The following ATRNL1 variants were observed in gnomAD, a reference collection of about 807,000 sequenced individuals.
ATRNL1 encodes attractin-like protein 1.
ATRNL1 carries 95 observed loss-of-function variants against 182.7 expected under a neutral mutation model. That is an observed-to-expected ratio of 0.52 (90% CI 0.44 to 0.62). The LOEUF (loss-of-function observed/expected upper bound fraction) is 0.62. ATRNL1 is among the 20% of genes least tolerant of loss of function. The probability of loss-of-function intolerance (pLI) is 0.00; values close to 1 mark genes in which losing one functional copy is unlikely to be tolerated. For synonymous variants in ATRNL1, 576 were observed against 568.3 expected, an observed-to-expected ratio of 1.01 and a Z score of -0.19; for missense variants, 1,471 against 1,679.5, an observed-to-expected ratio of 0.88 and a Z score of 2.17.
At chr10:115,364,002 G>T (rs2134167061) in intron 19 of ATRNL1, among the ~76,000 whole-genome samples, 1 of 152,138 alleles carries the variant, frequency 6.6e-6, no homozygotes, top group East Asian at 1.9e-4. Flanking sequence ...GGTGATGCGG[G>T]CTCTTTTTTG....
At chr10:115,894,125 G>GA (rs1181483399) in intron 28 of ATRNL1, among the ~76,000 whole-genome samples, 1 of 152,148 alleles carries the variant, frequency 6.6e-6, no homozygotes, top group Admixed American at 6.5e-5. Flanking sequence ...AACTGACATG[G>GA]AATCAGTGAT....
chr10:115,374,113 A>G (rs1263362056), intron 19 of ATRNL1, among the ~76,000 whole-genome samples: 1 of 151,252 alleles, frequency 6.6e-6, no homozygotes, highest in Admixed American at 6.6e-5. Context: ...ATGTTTCTAG[A>G]AACTTACTCA....
chr10:115,442,090 A>C (rs1554965844), intron 21 of ATRNL1, among the ~76,000 whole-genome samples: 2 of 151,970 alleles, frequency 1.3e-5, no homozygotes, highest in African/African-American at 4.8e-5. Flanking sequence ...CCAGGGTGAC[A>C]TTTAAAAATT....
intron 19 of ATRNL1, among the ~76,000 whole-genome samples, chr10:115,383,610 G>A (rs1307385342): frequency 6.6e-6 from 1 of 151,836 alleles, no homozygotes; most frequent in Non-Finnish European, 1.5e-5. Context: ...TCCAAATCAA[G>A]GGTCCCATAA....
chr10:115,455,681 C>T (rs1554968571), intron 21 of ATRNL1, among the ~76,000 whole-genome samples: 1 of 152,132 alleles, frequency 6.6e-6, no homozygotes, highest in African/African-American at 2.4e-5. Context: ...AAGAAACTAT[C>T]ACCAGAGTGA....
At chr10:115,557,488 T>G (rs797028215) in intron 26 of ATRNL1, among the ~76,000 whole-genome samples, 33 of 151,940 alleles carry the variant, frequency 2.2e-4, no homozygotes, top group African/African-American at 7.3e-4. Flanking sequence ...AAGGAAACAC[T>G]GTATAAAAAG....
At chr10:115,397,438 A>T (rs2134289799) in intron 20 of ATRNL1, among the ~76,000 whole-genome samples, 1 of 152,012 alleles carries the variant, frequency 6.6e-6, no homozygotes, top group Non-Finnish European at 1.5e-5. Context: ...CATATCTGTT[A>T]ATTTCTTTTC....
chr10:115,197,007 A>C (rs1464155297), intron 8 of ATRNL1, among the ~76,000 whole-genome samples: 6 of 152,154 alleles, frequency 3.9e-5, no homozygotes, highest in Non-Finnish European at 5.9e-5. Context: ...CAGTCTTAGC[A>C]ATGTGTTTAA....
At chr10:115,401,714 C>T (rs782608017) in intron 20 of ATRNL1, among the ~76,000 whole-genome samples, 21 of 151,852 alleles carry the variant, frequency 1.4e-4, no homozygotes, top group African/African-American at 3.9e-4. Context: ...TCTTAGGAAA[C>T]GGGACATATT....
At chr10:115,213,606 A>T (rs1043080916) in intron 8 of ATRNL1, among the ~76,000 whole-genome samples, 36 of 152,020 alleles carry the variant, frequency 2.4e-4, no homozygotes, top group Non-Finnish European at 4.7e-4. Context: ...TGTCTCTTAC[A>T]CAGTTTCTAA....
chr10:115,751,050 T>C (rs1300563825), intron 27 of ATRNL1, among the ~76,000 whole-genome samples: 1 of 152,006 alleles, frequency 6.6e-6, no homozygotes, highest in Non-Finnish European at 1.5e-5. Flanking sequence ...TTAAGGATTA[T>C]GAGAGATGAA....
chr10:115,219,879 G>T (rs1849381010), intron 9 of ATRNL1, among the ~76,000 whole-genome samples: 1 of 152,150 alleles, frequency 6.6e-6, no homozygotes, highest in East Asian at 1.9e-4. Context: ...CTCCAGGCTG[G>T]GTGACAGATT....
chr10:115,739,689 A>C (rs1948081656), intron 27 of ATRNL1, among the ~76,000 whole-genome samples: 1 of 152,220 alleles, frequency 6.6e-6, no homozygotes, highest in South Asian at 2.1e-4. Flanking sequence ...CTTTCTCAGT[A>C]ACAGCAATCA....
At chr10:115,649,230 T>C (rs1467983664) in intron 26 of ATRNL1, among the ~76,000 whole-genome samples, 1 of 152,152 alleles carries the variant, frequency 6.6e-6, no homozygotes, top group Non-Finnish European at 1.5e-5. Flanking sequence ...AAATTTGCTA[T>C]TTGTATTTAT....
chr10:115,490,188 T>C (rs1849228989), intron 24 of ATRNL1, among the ~76,000 whole-genome samples: 1 of 152,096 alleles, frequency 6.6e-6, no homozygotes, highest in African/African-American at 2.4e-5. Context: ...TTGGTGAATC[T>C]GATGATTATG....
At chr10:115,828,053 C>A (rs544371174) in intron 27 of ATRNL1, among the ~76,000 whole-genome samples, 3 of 152,156 alleles carry the variant, frequency 2.0e-5, no homozygotes, top group Non-Finnish European at 4.4e-5. Flanking sequence ...CACGGGGGCT[C>A]ACGCCTGTAA....
chr10:115,884,620 A>C (rs1555109361), intron 28 of ATRNL1, among the ~76,000 whole-genome samples: 1 of 152,184 alleles, frequency 6.6e-6, no homozygotes, highest in African/African-American at 2.4e-5. Context: ...TGAAGCAAAA[A>C]ATTCTGCCAC....
intron 13 of ATRNL1, among the ~76,000 whole-genome samples, chr10:115,277,058 A>G (rs1233973794): frequency 6.6e-6 from 1 of 152,012 alleles, no homozygotes. Context: ...TACTTCAGGT[A>G]AATTTAATTA....
intron 27 of ATRNL1, among the ~76,000 whole-genome samples, chr10:115,842,919 A>G (rs1423676673): frequency 2.6e-5 from 4 of 152,080 alleles, no homozygotes; most frequent in Non-Finnish European, 5.9e-5. Context: ...GTTACATACA[A>G]TAATGCATGT....
Sources: allele counts gnomAD v4.1 joint callset (sites outside exome capture counted in the v4.1 genomes callset), GRCh38; gene constraint gnomAD v4.1.1; transcripts MANE v1.5; gene names NCBI Gene and HGNC (gene_info 2026-07-23, HGNC 2026-07-21).